The following JPH3 variants were observed in gnomAD, a reference collection of about 807,000 sequenced individuals.
JPH3 encodes the protein junctophilin-3.
JPH3 carries 11 observed loss-of-function variants against 59.6 expected under a neutral mutation model. The ratio of observed to expected loss-of-function variants is 0.18; its 90% CI spans 0.12 to 0.31. The LOEUF is 0.31. JPH3 is among the 10% of genes least tolerant of loss of function. The probability of loss-of-function intolerance (pLI) is 1.00; values close to 1 mark genes in which losing one functional copy is unlikely to be tolerated. For synonymous variants in JPH3, 673 were observed against 483.6 expected (o/e 1.39, Z -5.14); for missense variants, 1,202 against 1,105.7 (o/e 1.09, Z -1.24).
chr16:87,618,681 A>T (rs570306961), intron 1 of JPH3, among the ~76,000 whole-genome samples: 1 of 152,306 alleles, frequency 6.6e-6, no homozygotes, highest in Non-Finnish European at 1.5e-5. Context: ...TTTTGGTTGC[A>T]GCCACTTCTG....
At chr16:87,681,511 G>T (rs1475939563) in intron 2 of JPH3, among the ~76,000 whole-genome samples, 5 of 89,472 alleles carry the variant, frequency 5.6e-5, no homozygotes, top group African/African-American at 8.9e-5. Flanking sequence ...TGGTGACAGT[G>T]CCGGGAGGTC....
At chr16:87,634,552 G>C (rs866233630) in intron 1 of JPH3, among the ~76,000 whole-genome samples, 7 of 152,218 alleles carry the variant, frequency 4.6e-5, no homozygotes, top group African/African-American at 1.4e-4. Flanking sequence ...GGTCCCTGCA[G>C]GCTTCGTCTC....
rs139646855 is a variant in JPH3 at position 87,644,340 on chromosome 16, C to T, written c.465C>T (p.Val155=). Reference sequence around the variant, plus strand: ...GCGTCCCGTATGGCATGGCCGCGGTCATCCGCTCACCCCTGAGGACGTCCA... The same window carrying T: ...GCGTCCCGTATGGCATGGCCGCGGTTATCCGCTCACCCCTGAGGACGTCCA... ...RQSVPYGMAA[V]IRSPLRTSIN... Residue 155 remains valine, a synonymous_variant, in exon 2 of 5, where the codon GTC becomes GTT. Transcript: ENST00000284262. The T allele has an allele frequency of 1.3e-4, 208 of 1,612,882 alleles. No homozygotes were observed. Among genetic ancestry groups the T allele is most frequent in the Non-Finnish European group, 1.7e-4 (206 of 1,179,952 alleles).
At chr16:87,661,252 TATCCACCCAGATA>T (rs1358340072) in intron 2 of JPH3, among the ~76,000 whole-genome samples, 1 of 152,166 alleles carries the variant, frequency 6.6e-6, no homozygotes, top group East Asian at 1.9e-4. Context: ...GTCATCTGAT[TATCCACCCAGATA>T]ATCCAGGGTC....
chr16:87,619,981 G>C (rs899963680), intron 1 of JPH3, among the ~76,000 whole-genome samples: 1 of 152,180 alleles, frequency 6.6e-6, no homozygotes, highest in Non-Finnish European at 1.5e-5. Flanking sequence ...GCCACCCTGG[G>C]ACCCAGTGCG....
intron 2 of JPH3, among the ~76,000 whole-genome samples, chr16:87,681,478 G>T (rs1171296341): frequency 4.7e-5 from 4 of 85,054 alleles, no homozygotes; most frequent in Admixed American, 1.2e-4. Context: ...TGGTGACAGT[G>T]CCGGGAGGTC....
chr16:87,613,659 G>A (rs1379918141), intron 1 of JPH3, among the ~76,000 whole-genome samples: 3 of 152,076 alleles, frequency 2.0e-5, no homozygotes, highest in Admixed American at 6.6e-5. Context: ...ATCTGCAGTT[G>A]GTTGAATTTG....
chr16:87,687,692 C>G (rs2033451159), intron 3 of JPH3, among the ~76,000 whole-genome samples: 2 of 152,220 alleles, frequency 1.3e-5, no homozygotes, highest in Non-Finnish European at 2.9e-5. Flanking sequence ...CTTCTAGGAA[C>G]GTTACCTGCT....
In JPH3 at chr16:87,652,614, C is replaced by T. The variant is rs538947655; in HGVS notation, c.1160+7579C>T. ...GAGTAGCGTGTGGGGAGGGTGCACG[C>T]AGCTGGGCTAGGATGGCCTGGCTGG... is the stretch of plus-strand genomic sequence containing the variant. On this transcript the variant is annotated intron_variant, in intron 2 of 4. Transcript: ENST00000284262. Among the ~76,000 whole-genome samples, 24 of 152,356 alleles carry T rather than the reference C, an allele frequency of 1.6e-4. No individual in the cohort carries two copies. In the East Asian group the frequency reaches 3.3e-3, roughly 21 times the overall value.
At chr16:87,603,647 G>C in intron 1 of JPH3, 119 bp downstream of exon 1, 2 of 1,278,824 alleles carry the variant, frequency 1.6e-6, no homozygotes, top group Non-Finnish European at 2.1e-6. Context: ...GGCACCAGGG[G>C]CCTTTCCCGG....
At chr16:87,682,902 G>A (rs190914431) in intron 2 of JPH3, among the ~76,000 whole-genome samples, 6 of 152,240 alleles carry the variant, frequency 3.9e-5, no homozygotes, top group African/African-American at 1.4e-4. Flanking sequence ...GATGCACAGA[G>A]CCCCACATTC....
intron 4 of JPH3, chr16:87,696,014 T>C (rs544543848): frequency 3.7e-5 from 17 of 455,956 alleles, no homozygotes; most frequent in Admixed American, 2.3e-4. Context: ...TTGGACACAG[T>C]CCTCCAGAGC....
At chr16:87,625,540 T>C (rs954220896) in intron 1 of JPH3, among the ~76,000 whole-genome samples, 5 of 152,252 alleles carry the variant, frequency 3.3e-5, no homozygotes, top group African/African-American at 1.2e-4. Flanking sequence ...GCATGCACAC[T>C]GCAGCCAAGG....
chr16:87,641,000 C>G (rs556098582), intron 1 of JPH3, among the ~76,000 whole-genome samples: 4 of 152,338 alleles, frequency 2.6e-5, no homozygotes, highest in Admixed American at 2.6e-4. Context: ...ACAACCCCAG[C>G]CTGGAAGGGC....
intron 3 of JPH3, among the ~76,000 whole-genome samples, chr16:87,687,808 G>A (rs2033454363): frequency 6.6e-6 from 1 of 152,222 alleles, no homozygotes; most frequent in Non-Finnish European, 1.5e-5. Context: ...CTCGGCAGCA[G>A]TGGGTGGACG....
At chr16:87,657,132 AGGCCAGGCCAGC>A (rs1449748445) in intron 2 of JPH3, among the ~76,000 whole-genome samples, 2 of 152,170 alleles carry the variant, frequency 1.3e-5, no homozygotes, top group African/African-American at 4.8e-5. Flanking sequence ...TGTTAGGAGG[AGGCCAGGCCAGC>A]GCTGAGCACC....
intron 1 of JPH3, among the ~76,000 whole-genome samples, chr16:87,615,194 A>C (rs901912557): frequency 6.6e-6 from 1 of 152,214 alleles, no homozygotes; most frequent in African/African-American, 2.4e-5. Flanking sequence ...GAACCTGTCC[A>C]TCCTCCCCGG....
At position 87,603,021 on chromosome 16, in the gene JPH3, G is replaced by C; in HGVS notation, c.-126G>C. ...CCGCCCGCGCCCGAGACCGCGCTCC[G>C]GGGCCGCGTCCTCCTCTCCTCCGGA... On this transcript the variant is annotated 5_prime_UTR_variant, in exon 1 of 5. Transcript: ENST00000284262. 1 of 1,232,212 alleles carries C rather than the reference G, an allele frequency of 8.1e-7. No individual in the cohort carries two copies. The highest frequency in any genetic ancestry group is 1.6e-5 in the African/African-American group (1 of 63,614). The allele number at this position is 1,232,212 out of a possible 1,614,324, so 76.3% of individuals were successfully genotyped here.
At chr16:87,627,749 C>T (rs1381804596) in intron 1 of JPH3, among the ~76,000 whole-genome samples, 1 of 152,228 alleles carries the variant, frequency 6.6e-6, no homozygotes, top group Non-Finnish European at 1.5e-5. Context: ...AGGAAGCTAA[C>T]AGCCAGGATC....
Sources: allele counts gnomAD v4.1 joint callset (sites outside exome capture counted in the v4.1 genomes callset), GRCh38; gene constraint gnomAD v4.1.1; transcripts MANE v1.5; gene names NCBI Gene and HGNC (gene_info 2026-07-23, HGNC 2026-07-21).